The following MYO6 variants were observed in gnomAD, a reference collection of about 807,000 sequenced individuals.
MYO6 encodes myosin VI, also known as unconventional myosin-VI.
A neutral mutation model predicts 178.7 loss-of-function variants in MYO6; 74 were observed. The ratio of observed to expected loss-of-function variants is 0.41; its 90% CI spans 0.34 to 0.50. MYO6 has a LOEUF of 0.50. Ranked by LOEUF, MYO6 falls within the 20% of genes least tolerant of loss-of-function variation. MYO6 has a pLI of 0.09. For missense variants in MYO6, 1,330 were observed against 1,547.4 expected, an observed-to-expected ratio of 0.86 and a Z score of 2.36; for synonymous variants, 477 against 504.6, an observed-to-expected ratio of 0.95 and a Z score of 0.73.
intron 1 of MYO6, among the ~76,000 whole-genome samples, chr6:75,787,105 G>C (rs941387520): frequency 6.6e-6 from 1 of 152,160 alleles, no homozygotes; most frequent in Non-Finnish European, 1.5e-5. Flanking sequence ...ATTTTGTAAA[G>C]ATGCCTATGC....
At chr6:75,753,055 CTG>C (rs1179445647) in intron 1 of MYO6, among the ~76,000 whole-genome samples, 10 of 152,210 alleles carry the variant, frequency 6.6e-5, no homozygotes, top group Middle Eastern at 3.4e-3. Context: ...TTTCTATGGT[CTG>C]TGGAATATCC....
chr6:75,834,967 G>T (rs1354628683), intron 6 of MYO6, among the ~76,000 whole-genome samples: 3 of 152,102 alleles, frequency 2.0e-5, no homozygotes, highest in Non-Finnish European at 4.4e-5. Flanking sequence ...AAAAGTTAAG[G>T]AGTTATAAAC....
At chr6:75,776,653 AGTGTGTGTGTGTGTGTGTGTGT>A (rs35830759) in intron 1 of MYO6, among the ~76,000 whole-genome samples, 2 of 144,660 alleles carry the variant, frequency 1.4e-5, no homozygotes, top group African/African-American at 5.1e-5. Flanking sequence ...AGAAACGTGC[AGTGTGTGTGTGTGTGTGTGTGT>A]GTGTGTGTAT....
At chr6:75,757,005 G>GTGTGTATATA (rs1491309059) in intron 1 of MYO6, among the ~76,000 whole-genome samples, 18 of 40,690 alleles carry the variant, frequency 4.4e-4, no homozygotes, top group East Asian at 3.6e-3. Context: ...CACATATATA[G>GTGTGTATATA]TGTGTATATA....
chr6:75,910,665 A>C (rs75285148), intron 32 of MYO6, among the ~76,000 whole-genome samples: 2,478 of 152,258 alleles, frequency 0.016, 70 homozygotes, highest in African/African-American at 0.057. Flanking sequence ...ATATTTTATC[A>C]AATGTAACTT....
At chr6:75,905,121 C>T (rs923788575) in intron 30 of MYO6, among the ~76,000 whole-genome samples, 3 of 152,208 alleles carry the variant, frequency 2.0e-5, no homozygotes, top group African/African-American at 4.8e-5. Context: ...AACCACTGCT[C>T]TCTTCAAGGC....
intron 1 of MYO6, among the ~76,000 whole-genome samples, chr6:75,778,672 A>T (rs1464992424): frequency 1.3e-5 from 2 of 152,120 alleles, no homozygotes; most frequent in African/African-American, 4.8e-5. Flanking sequence ...AGTGAACCAG[A>T]ATATAAGCTA....
intron 1 of MYO6, among the ~76,000 whole-genome samples, chr6:75,756,425 C>T (rs184013982): frequency 2.0e-4 from 30 of 152,200 alleles, no homozygotes; most frequent in African/African-American, 5.5e-4. Flanking sequence ...TTCCGCCTCT[C>T]GGGTTCAAGC....
At position 75,848,319 on chromosome 6, in the gene MYO6, G is replaced by A. The variant is rs777108427; in HGVS notation, c.898-32G>A. 1.8e-5 allele frequency: 28 copies of A among 1,588,802 alleles called. No homozygotes were observed. In the Admixed American group the frequency reaches 1.8e-4, roughly 10 times the overall value. The stretch of plus-strand genomic sequence containing the variant: ...TTTTAGTGTACTTAAATAATGTAAC[G>A]ATCAGTTAATTGGTGTCTTCTTGTT... On this transcript the variant is annotated intron_variant, in intron 10 of 34. Coordinates refer to ENST00000369977, the MANE Select transcript of MYO6 (RefSeq NM_004999.4).
At chr6:75,864,020 A>C (rs1450660282) in intron 16 of MYO6, among the ~76,000 whole-genome samples, 1 of 152,174 alleles carries the variant, frequency 6.6e-6, no homozygotes, top group Non-Finnish European at 1.5e-5. Flanking sequence ...AATGGATGTC[A>C]GTTTCGACCA....
intron 1 of MYO6, among the ~76,000 whole-genome samples, chr6:75,799,552 G>A (rs771517628): frequency 5.3e-5 from 8 of 152,094 alleles, no homozygotes; most frequent in Non-Finnish European, 1.2e-4. Context: ...TAGCTCTAGC[G>A]AGTCAATAAG....
chr6:75,900,262 G>T (rs1418800344), intron 30 of MYO6, among the ~76,000 whole-genome samples: 7 of 152,238 alleles, frequency 4.6e-5, no homozygotes, highest in East Asian at 3.9e-4. Flanking sequence ...GAAATGGGAT[G>T]GCTGGGTCAA....
chr6:75,884,995 G>T (rs1778318945), intron 23 of MYO6, among the ~76,000 whole-genome samples: 1 of 152,158 alleles, frequency 6.6e-6, no homozygotes, highest in Admixed American at 6.5e-5. Flanking sequence ...CAAGAAGGGG[G>T]TTTATTTTGG....
In MYO6 at chr6:75,890,408, G is replaced by A. The variant is rs148855110; in HGVS notation, c.2867+143G>A. On this transcript the variant is annotated intron_variant, in intron 26 of 34. Transcript: ENST00000369977. ...GTTGCCCAGGCTGGAGTGCAGTGGC[G>A]CGATCTTGGCTTACTGCACTCTGCC... 0.025 allele frequency: 28,335 copies of A among 1,150,344 alleles called. 449 individuals are homozygous for A. The highest frequency in any genetic ancestry group is 0.03 in the Non-Finnish European group (23,904 of 803,712). 71.3% of individuals were successfully genotyped at this position (1,150,344 alleles called of 1,614,324 possible).
In MYO6 at chr6:75,781,026, C is replaced by T. The variant is rs189938981; in HGVS notation, c.-48+31603C>T. The stretch of plus-strand genomic sequence containing the variant: ...CAGGGTTTCACCATGTTGGCCAGGT[C>T]GGTCTCAAACTCCTGACCTCAAGTG... On this transcript the variant is annotated intron_variant, in intron 1 of 34. Coordinates refer to ENST00000369977, the MANE Select transcript of MYO6 (RefSeq NM_004999.4). Among the ~76,000 whole-genome samples, 322 of 151,990 alleles carry T rather than the reference C, an allele frequency of 2.1e-3. 2 individuals carry two copies. The highest frequency in any genetic ancestry group is 0.01 in the Middle Eastern group (3 of 294).
rs60446850 is a variant in MYO6, at chr6:75,778,085, C to T, written c.-48+28662C>T. On this transcript the variant is annotated intron_variant, in intron 1 of 34. Transcript: ENST00000369977. The stretch of plus-strand genomic sequence containing the variant: ...GTATTGCCCAAGCTGATCTTAAACT[C>T]CTGGGCTTGAGTGATCATCCTGTTA... Among the ~76,000 whole-genome samples, 180 of 152,004 alleles carry T rather than the reference C, an allele frequency of 1.2e-3. 1 individual carries two copies. Among genetic ancestry groups the T allele is most frequent in the African/African-American group, 4.0e-3 (167 of 41,470 alleles).
chr6:75,883,670 C>T (rs1274572686), intron 23 of MYO6, among the ~76,000 whole-genome samples: 1 of 152,072 alleles, frequency 6.6e-6, no homozygotes, highest in Non-Finnish European at 1.5e-5. Context: ...ATAGCTGGCC[C>T]AAGACAAAAG....
intron 1 of MYO6, among the ~76,000 whole-genome samples, chr6:75,787,390 A>G (rs868642462): frequency 2.6e-5 from 4 of 152,022 alleles, no homozygotes; most frequent in South Asian, 2.1e-4. Flanking sequence ...ATGCAGTGAA[A>G]AACTACTCAG....
intron 30 of MYO6, among the ~76,000 whole-genome samples, chr6:75,898,649 T>A (rs1430098173): frequency 6.6e-6 from 1 of 152,176 alleles, no homozygotes; most frequent in Non-Finnish European, 1.5e-5. Flanking sequence ...AATGGGACAG[T>A]TCCCTTGGCA....
Sources: gnomAD v4.1 joint callset for allele counts (sites outside exome capture counted in the v4.1 genomes callset) on GRCh38, gnomAD v4.1.1 for gene constraint, MANE v1.5 for transcripts, NCBI Gene and HGNC (gene_info 2026-07-23, HGNC 2026-07-21) for gene names.